SPOCK1: variants seen among roughly 807,000 people sequenced by gnomAD.
The protein encoded by SPOCK1 is SPARC (osteonectin), cwcv and kazal like domains proteoglycan 1.
In SPOCK1, 23 loss-of-function variants were observed where a neutral mutation model predicts 55.3. The observed-to-expected ratio is 0.42, with a 90% CI of 0.30 to 0.59. SPOCK1 has a LOEUF of 0.59. SPOCK1 is among the 20% of genes least tolerant of loss of function. The pLI is 0.22. For synonymous variants in SPOCK1, 226 were observed against 221.0 expected (o/e 1.02, Z -0.20); for missense variants, 499 against 552.5 (o/e 0.90, Z 0.97).
At chr5:137,342,205 G>A (rs1177245771) in intron 2 of SPOCK1, among the ~76,000 whole-genome samples, 3 of 152,214 alleles carry the variant, frequency 2.0e-5, no homozygotes, top group African/African-American at 7.2e-5. Flanking sequence ...TGAAATCCCA[G>A]CCTCACCTTG....
At chr5:137,183,986 C>T (rs913257701) in intron 3 of SPOCK1, among the ~76,000 whole-genome samples, 8 of 152,222 alleles carry the variant, frequency 5.3e-5, no homozygotes, top group South Asian at 4.1e-4. Flanking sequence ...ACACACTTAG[C>T]ACAGTGGCTG....
At chr5:137,055,004 G>A (rs1752274694) in intron 6 of SPOCK1, among the ~76,000 whole-genome samples, 1 of 152,034 alleles carries the variant, frequency 6.6e-6, no homozygotes, top group African/African-American at 2.4e-5. Context: ...ATGAAACCTA[G>A]TTCTTCTGAC....
At chr5:136,997,082 C>G (rs1466849796) in intron 6 of SPOCK1, among the ~76,000 whole-genome samples, 1 of 152,144 alleles carries the variant, frequency 6.6e-6, no homozygotes, top group African/African-American at 2.4e-5. Context: ...TGATGTTTCC[C>G]CATTTACCCT....
intron 2 of SPOCK1, among the ~76,000 whole-genome samples, chr5:137,345,861 T>C (rs922426074): frequency 6.6e-6 from 1 of 152,202 alleles, no homozygotes; most frequent in Non-Finnish European, 1.5e-5. Context: ...GGCTACCAGA[T>C]AGACACACAT....
At chr5:137,431,842 T>C (rs561605671) in intron 2 of SPOCK1, among the ~76,000 whole-genome samples, 10 of 152,362 alleles carry the variant, frequency 6.6e-5, no homozygotes, top group African/African-American at 2.4e-4. Flanking sequence ...TGAAGAACTA[T>C]GAGCTAAATA....
chr5:137,389,637 A>C (rs1437429750), intron 2 of SPOCK1, among the ~76,000 whole-genome samples: 1 of 152,230 alleles, frequency 6.6e-6, no homozygotes, highest in Non-Finnish European at 1.5e-5. Context: ...CATCTCACAG[A>C]CTAAGAGCCA....
chr5:137,016,106 TCAATACCCCA>T, intron 6 of SPOCK1, among the ~76,000 whole-genome samples: 1 of 152,186 alleles, frequency 6.6e-6, no homozygotes, highest in South Asian at 2.1e-4. Flanking sequence ...AATCAGGGTG[TCAATACCCCA>T]CTGGAAAAAA....
chr5:137,425,701 T>TA (rs1404177897), intron 2 of SPOCK1, among the ~76,000 whole-genome samples: 2 of 152,080 alleles, frequency 1.3e-5, no homozygotes, highest in Admixed American at 1.3e-4. Context: ...TACCAGAGAG[T>TA]ACAGCAAGCC....
chr5:137,433,314 C>G (rs555105472), intron 2 of SPOCK1, among the ~76,000 whole-genome samples: 1 of 142,274 alleles, frequency 7.0e-6, no homozygotes, highest in South Asian at 2.5e-4. Context: ...GGGAACTGTA[C>G]ATTAGGGTGA....
chr5:137,394,853 T>G (rs941945853), intron 2 of SPOCK1, among the ~76,000 whole-genome samples: 1 of 152,232 alleles, frequency 6.6e-6, no homozygotes, highest in Non-Finnish European at 1.5e-5. Context: ...CCAAGACCCA[T>G]GGATGGACTT....
At chr5:137,410,843 C>G (rs1248351095) in intron 2 of SPOCK1, among the ~76,000 whole-genome samples, 1 of 152,172 alleles carries the variant, frequency 6.6e-6, no homozygotes, top group Non-Finnish European at 1.5e-5. Context: ...GAGAGACAGG[C>G]AGCAATGCAC....
intron 6 of SPOCK1, among the ~76,000 whole-genome samples, chr5:137,034,872 CA>C (rs2126987679): frequency 6.6e-6 from 1 of 152,260 alleles, no homozygotes; most frequent in African/African-American, 2.4e-5. Context: ...TTCCAACTGA[CA>C]AAGCGTGTCT....
At chr5:137,174,964 G>A (rs930477565) in intron 3 of SPOCK1, among the ~76,000 whole-genome samples, 2 of 152,162 alleles carry the variant, frequency 1.3e-5, no homozygotes, top group African/African-American at 4.8e-5. Context: ...TTGATGTTCT[G>A]TGTAGCATTA....
intron 6 of SPOCK1, among the ~76,000 whole-genome samples, chr5:137,045,214 G>A (rs933562447): frequency 2.8e-5 from 4 of 143,702 alleles, no homozygotes; most frequent in African/African-American, 1.0e-4. Flanking sequence ...CTGAGGAATC[G>A]CCACACTGAC....
chr5:137,304,210 T>C (rs1757661180), intron 2 of SPOCK1, among the ~76,000 whole-genome samples: 1 of 152,076 alleles, frequency 6.6e-6, no homozygotes, highest in Admixed American at 6.5e-5. Flanking sequence ...TTTACATCCA[T>C]AAGAAACGAG....
intron 3 of SPOCK1, among the ~76,000 whole-genome samples, chr5:137,177,659 C>T (rs1335504178): frequency 2.0e-5 from 3 of 152,056 alleles, no homozygotes; most frequent in Non-Finnish European, 2.9e-5. Flanking sequence ...TTAACATTAA[C>T]GCACATTAAA....
chr5:137,038,848 C>T (rs550747299), intron 6 of SPOCK1, among the ~76,000 whole-genome samples: 353 of 152,192 alleles, frequency 2.3e-3, no homozygotes, highest in African/African-American at 8.0e-3. Context: ...AAGGTATAAG[C>T]TCTATGAGAG....
At chr5:137,075,038 C>T (rs1044325821) in intron 5 of SPOCK1, among the ~76,000 whole-genome samples, 1 of 151,964 alleles carries the variant, frequency 6.6e-6, no homozygotes, top group African/African-American at 2.4e-5. Flanking sequence ...CGGGTTTCAC[C>T]ATGTTGGCCA....
chr5:137,176,173 C>G (rs944134026), intron 3 of SPOCK1, among the ~76,000 whole-genome samples: 1 of 152,186 alleles, frequency 6.6e-6, no homozygotes, highest in African/African-American at 2.4e-5. Flanking sequence ...ATGAAAAGCA[C>G]TGAGCAAATC....
Sources: gnomAD v4.1 joint callset for allele counts (sites outside exome capture counted in the v4.1 genomes callset) on GRCh38, gnomAD v4.1.1 for gene constraint, MANE v1.5 for transcripts, NCBI Gene and HGNC (gene_info 2026-07-23, HGNC 2026-07-21) for gene names.